EXPH5: variants seen among roughly 807,000 people sequenced by gnomAD.
EXPH5 encodes exophilin 5, also known as exophilin-5.
In EXPH5, 42 loss-of-function variants were observed where a neutral mutation model predicts 41.1. That is an observed-to-expected ratio of 1.02 (90% CI 0.80 to 1.32). The LOEUF is 1.32. EXPH5 is among the 40% of genes most tolerant of loss of function. EXPH5 has a pLI of 0.00. For missense variants in EXPH5, 2,298 were observed against 2,314.5 expected, an observed-to-expected ratio of 0.99 and a Z score of 0.15; for synonymous variants, 798 against 833.5, an observed-to-expected ratio of 0.96 and a Z score of 0.73.
At chr11:108,594,879 C>G (rs887025177), upstream of EXPH5, among the ~76,000 whole-genome samples, 13 of 152,362 alleles carry the variant, frequency 8.5e-5, no homozygotes, top group East Asian at 2.5e-3. Context: ...TTATTTAAAA[C>G]ATGCCTAGGC....
chr11:108,555,150 C>T (rs2093984469), intron 1 of EXPH5, among the ~76,000 whole-genome samples: 1 of 152,224 alleles, frequency 6.6e-6, no homozygotes, highest in Non-Finnish European at 1.5e-5. Context: ...GGGCAAGGCT[C>T]CGCCTGTCAT....
At chr11:108,561,745 A>G (rs4533001) in intron 1 of EXPH5, among the ~76,000 whole-genome samples, 19,497 of 152,256 alleles carry the variant, frequency 0.13, 1,392 homozygotes, top group South Asian at 0.22. Flanking sequence ...CAAGTAAGAC[A>G]AACTAAAGTG....
At chr11:108,605,326 A>G in the EXPH5 span, among the ~76,000 whole-genome samples, 1 of 152,310 alleles carries the variant, frequency 6.6e-6, no homozygotes, top group Admixed American at 6.5e-5. Flanking sequence ...GTCACAAGTG[A>G]AAGTCATGGA....
rs554749378 is a variant in EXPH5, at chr11:108,528,151, C to T, written c.477G>A (p.Val159=). 2.9e-5 allele frequency: 46 copies of T among 1,610,752 alleles called. 1 individual carries two copies. Among genetic ancestry groups the T allele is most frequent in the Middle Eastern group, 3.3e-4 (2 of 6,080 alleles). Residue 159 remains valine, a synonymous_variant, in exon 4 of 6, where the codon GTG becomes GTA. Coordinates refer to ENST00000265843, the MANE Select transcript of EXPH5 (RefSeq NM_015065.3). ...GGTTACTTACCACAGCAGCTCCCCT[C>T]ACAGGCATAGGAGGTCCTGCATGGC... The part of the protein sequence containing the change: ...CDGHAGPPMP[V]RGAAVQAKIY...
rs371728499 is a variant in EXPH5 at position 108,538,766 on chromosome 11, A to G, written c.443+258T>C. Among the ~76,000 whole-genome samples, 36 of 152,322 alleles carry G rather than the reference A, an allele frequency of 2.4e-4. 1 individual carries two copies. The East Asian group carries it at 6.2e-3, about 26-fold the overall frequency. On this transcript the variant is annotated intron_variant, in intron 3 of 5. Transcript: ENST00000265843. Reference sequence around the variant, plus strand: ...GAAAAACTGGCAATCATTATTTCCCAATATTTAACCCATCACTCACCAAAT... The same window carrying G: ...GAAAAACTGGCAATCATTATTTCCCGATATTTAACCCATCACTCACCAAAT...
In EXPH5 at chr11:108,518,399, A is replaced by G. The variant is rs370763435; in HGVS notation, c.493-26T>C. 25 of 1,609,052 alleles carry G rather than the reference A, an allele frequency of 1.6e-5. No homozygotes were observed. In the African/African-American group the frequency reaches 2.9e-4, roughly 19 times the overall value. Reference sequence around the variant, plus strand: ...CTAATTTTAAAGCAGAGAACACAATATTATTTCTGAGCCTTCACCAGTCAA... The same window carrying G: ...CTAATTTTAAAGCAGAGAACACAATGTTATTTCTGAGCCTTCACCAGTCAA... On this transcript the variant is annotated intron_variant, in intron 4 of 5. Coordinates refer to ENST00000265843, the MANE Select transcript of EXPH5 (RefSeq NM_015065.3).
At chr11:108,594,680 G>GC (rs1260770457), upstream of EXPH5, among the ~76,000 whole-genome samples, 5 of 152,028 alleles carry the variant, frequency 3.3e-5, no homozygotes, top group African/African-American at 1.2e-4. Flanking sequence ...TGACTTTCCT[G>GC]CCCCATAGCC....
chr11:108,527,886 T>C (rs1051834801), intron 4 of EXPH5, among the ~76,000 whole-genome samples: 4 of 152,116 alleles, frequency 2.6e-5, no homozygotes, highest in Non-Finnish European at 5.9e-5. Context: ...CGTGGCAAAA[T>C]ATCAGAGATG....
chr11:108,529,944 G>A lies in EXPH5; in HGVS notation c.444-1760C>T, dbSNP rs76957709. Among the ~76,000 whole-genome samples the A allele has an allele frequency of 9.6e-3, 1,457 of 152,112 alleles. 26 individuals carry two copies. The highest frequency in any genetic ancestry group is 0.034 in the African/African-American group (1,393 of 41,498). On this transcript the variant is annotated intron_variant, in intron 3 of 5. Transcript: ENST00000265843. ...GACAGAACAGTAATGGGGATCAAGA[G>A]CTAAAGAAACTGGGTCTCTAGATCA...
intron 2 of EXPH5, among the ~76,000 whole-genome samples, chr11:108,539,751 T>A (rs546720044): frequency 6.6e-6 from 1 of 152,226 alleles, no homozygotes; most frequent in East Asian, 1.9e-4. Context: ...AAATCAAAAA[T>A]TTCCCCAAAA....
intron 1 of EXPH5, among the ~76,000 whole-genome samples, chr11:108,579,200 GT>G (rs77468046): frequency 0.49 from 71,548 of 144,902 alleles, 17,869 homozygotes; most frequent in East Asian, 0.64. Context: ...TTTGTTGAGA[GT>G]TTTTTTTTTT....
intron 1 of EXPH5, among the ~76,000 whole-genome samples, chr11:108,555,749 A>G (rs2093986851): frequency 6.6e-6 from 1 of 152,144 alleles, no homozygotes; most frequent in Non-Finnish European, 1.5e-5. Flanking sequence ...TAAGGGGTTT[A>G]TCTCACTTCA....
chr11:108,567,720 G>A (rs1478742638), intron 1 of EXPH5, among the ~76,000 whole-genome samples: 2 of 152,106 alleles, frequency 1.3e-5, no homozygotes, highest in African/African-American at 4.8e-5. Flanking sequence ...TGTTAAATGG[G>A]ACTTAGTTAA....
chr11:108,557,617 G>T (rs2093995652), intron 1 of EXPH5, among the ~76,000 whole-genome samples: 2 of 152,016 alleles, frequency 1.3e-5, no homozygotes, highest in African/African-American at 2.4e-5. Flanking sequence ...CGAAGTGCTG[G>T]GATTACAGGC....
chr11:108,560,357 G>T (rs1490320731), intron 1 of EXPH5, among the ~76,000 whole-genome samples: 1 of 152,166 alleles, frequency 6.6e-6, no homozygotes, highest in Non-Finnish European at 1.5e-5. Context: ...CCACATGATT[G>T]CTGCCTTTTC....
At chr11:108,571,974 C>T (rs997809247) in intron 1 of EXPH5, among the ~76,000 whole-genome samples, 13 of 151,352 alleles carry the variant, frequency 8.6e-5, no homozygotes, top group Admixed American at 3.3e-4. Context: ...GGCGTGAACC[C>T]GGGAGGCGGA....
chr11:108,511,791 C>A lies in EXPH5; in HGVS notation c.3716G>T (p.Gly1239Val), dbSNP rs368614851. 6.2e-7 allele frequency: 1 copy of A among 1,609,808 alleles called. No individual in the cohort carries two copies. The highest frequency in any genetic ancestry group is 8.5e-7 in the Non-Finnish European group (1 of 1,179,042). ...VKTTSTFSVSGDEDNVKCLEV... is the reference protein window; with the variant it reads ...VKTTSTFSVSVDEDNVKCLEV... Reference sequence around the variant, plus strand: ...CAGACATTTTACATTATCTTCATCACCAGAAACAGAAAACGTACTAGTCGT... The same window carrying A: ...CAGACATTTTACATTATCTTCATCAACAGAAACAGAAAACGTACTAGTCGT... Residue 1239 changes from glycine (G) to valine (V), a missense_variant, in exon 6 of 6, where the codon GGT becomes GTT. By Grantham distance (109) the Gly-to-Val change is moderately radical. Transcript: ENST00000265843.
In EXPH5 at chr11:108,513,370, G is replaced by A. The variant is rs773555276; in HGVS notation, c.2137C>T (p.Gln713Ter). The A allele has an allele frequency of 6.2e-6, 10 of 1,614,074 alleles. No individual in the cohort carries two copies. The highest frequency in any genetic ancestry group is 1.6e-4 in the Middle Eastern group (1 of 6,062). ...TTTGTCTGGTCCATCTTGCTTAGCT[G>A]TTTGTCTTCTTCTGAAATAGATTCA... Reference protein sequence around the residue: ...LNESISEEDKQLSKMDQTNKA... With the variant: ...LNESISEEDK The change falls in exon 6 of 6, where the codon CAG (glutamine) becomes TAG (stop). Residue 713 changes from glutamine to a stop codon, truncating the protein, a stop_gained. Transcript: ENST00000265843. LOFTEE classifies it low-confidence loss of function (END_TRUNC).
the EXPH5 span, among the ~76,000 whole-genome samples, chr11:108,606,052 A>C: frequency 6.6e-6 from 1 of 152,322 alleles, no homozygotes; most frequent in South Asian, 2.1e-4. Context: ...AAATAGAGAC[A>C]GGTTCTCACT....
Sources: gnomAD v4.1 joint callset for allele counts (sites outside exome capture counted in the v4.1 genomes callset) on GRCh38, gnomAD v4.1.1 for gene constraint, MANE v1.5 for transcripts, NCBI Gene and HGNC (gene_info 2026-07-23, HGNC 2026-07-21) for gene names.